Variants in IFI35 observed in about 807,000 individuals in gnomAD.
IFI35 encodes the protein interferon induced protein 35, also known as interferon-induced 35 kDa protein.
IFI35 carries 30 observed loss-of-function variants against 28.6 expected under a neutral mutation model. The ratio of observed to expected loss-of-function variants is 1.05; its 90% confidence interval spans 0.79 to 1.43. IFI35 has a LOEUF of 1.43. Ranked by LOEUF, IFI35 falls within the 40% of genes most tolerant of loss-of-function variation. The pLI is 0.00. For missense variants in IFI35, 372 were observed against 356.9 expected, an observed-to-expected ratio of 1.04 and a Z score of -0.34; for synonymous variants, 146 against 154.8, an observed-to-expected ratio of 0.94 and a Z score of 0.42.
At position 43,014,149 on chromosome 17, in the gene IFI35, C is replaced by T. The variant is rs779425617; in HGVS notation, c.711C>T (p.Asn237=). The part of the protein sequence containing the change: ...QPVPRSVLVL[N]IPDILDGPEL... ...TTCCCCGCTCGGTACTGGTGCTCAA[C>T]ATTCCTGATATCTTGGATGGCCCGG... Residue 237 remains asparagine (N), a synonymous_variant, in exon 7 of 7, where the codon AAC becomes AAT. Transcript: ENST00000415816. The T allele has an allele frequency of 1.2e-5, 19 of 1,614,148 alleles. No individual in the cohort carries two copies. Among genetic ancestry groups the T allele is most frequent in the Non-Finnish European group, 1.6e-5 (19 of 1,180,010 alleles).
intron 1 of IFI35, among the ~76,000 whole-genome samples, chr17:43,010,446 T>C (rs1218937679): frequency 6.6e-6 from 1 of 152,056 alleles, no homozygotes; most frequent in Non-Finnish European, 1.5e-5. Flanking sequence ...GAAACTTTGT[T>C]ATGGCTAGAA....
At chr17:43,008,027 AC>A (rs1379452068) in intron 1 of IFI35, among the ~76,000 whole-genome samples, 1 of 149,194 alleles carries the variant, frequency 6.7e-6, no homozygotes, top group Non-Finnish European at 1.5e-5. Context: ...TTCCCCAAGG[AC>A]AATCCCTTTT....
intron 1 of IFI35, among the ~76,000 whole-genome samples, chr17:43,011,817 C>T (rs1019400458): frequency 4.6e-5 from 7 of 152,198 alleles, no homozygotes; most frequent in Non-Finnish European, 1.0e-4. Flanking sequence ...TGATCATGTA[C>T]TCTTGAGCAC....
Position 43,013,574 on chromosome 17 carries a change from C to T in IFI35, c.474C>T (p.Phe158=), listed in dbSNP as rs769757979. ...AGCTGCTGGACAAGCTAGAGATCTT[C>T]TTTGGCAAGACTAGGAACGGAGGTG... ...EEELLDKLEI[F]FGKTRNGGGD... The change falls in exon 5 of 7, where the codon TTC becomes TTT. Residue 158 remains phenylalanine, a synonymous_variant. Coordinates refer to ENST00000415816, the MANE Select transcript of IFI35 (RefSeq NM_001330230.2). The T allele has an allele frequency of 6.2e-7, 1 of 1,614,046 alleles. No individual in the cohort carries two copies. Among genetic ancestry groups the T allele is most frequent in the South Asian group, 1.1e-5 (1 of 91,088 alleles).
Position 43,012,295 on chromosome 17 carries a change from GTGT to G in IFI35, c.120+23_120+25del, listed in dbSNP as rs1244801820. On this transcript the variant is annotated intron_variant, in intron 2 of 6. Coordinates refer to ENST00000415816, the MANE Select transcript of IFI35 (RefSeq NM_001330230.2). ...AAGACAAGGTAAGGTGGGAGATCTG[GTGT>G]TGTTTGGTAAAAACGAGCTGGCGAG... The G allele has an allele frequency of 1.0e-5, 16 of 1,547,222 alleles. No homozygotes were observed. Among genetic ancestry groups the G allele is most frequent in the Non-Finnish European group, 1.4e-5 (16 of 1,141,654 alleles).
chr17:43,013,928 C>G (rs2050494107), intron 6 of IFI35, 46 bp downstream of exon 6: 4 of 1,432,582 alleles, frequency 2.8e-6, no homozygotes, highest in South Asian at 2.5e-5. Context: ...GGTAACCTGT[C>G]TGCCTGCCAG....
At chr17:43,012,147 A>G (rs776235841) in intron 1 of IFI35, 32 bp from the exon 2 acceptor site, 1 of 1,470,112 alleles carries the variant, frequency 6.8e-7, no homozygotes, top group South Asian at 1.2e-5. Context: ...AAGGGCGGGT[A>G]GAAGTCTTGT....
In IFI35 at chr17:43,013,036, C is replaced by T. The variant is rs770193534; in HGVS notation, c.121-11C>T. The T allele has an allele frequency of 6.2e-7, 1 of 1,613,370 alleles. No homozygotes were observed. Among genetic ancestry groups the T allele is most frequent in the Admixed American group, 1.7e-5 (1 of 59,976 alleles). On this transcript the variant is annotated splice_polypyrimidine_tract_variant and intron_variant, in intron 2 of 6. Coordinates refer to ENST00000415816, the MANE Select transcript of IFI35 (RefSeq NM_001330230.2). ...GTGAGGAACACTCCTACTCCCCTCCCCTACTTCCAGGTCCCATTTTCAGTG... is the reference window on the plus strand; with the variant it reads ...GTGAGGAACACTCCTACTCCCCTCCTCTACTTCCAGGTCCCATTTTCAGTG...
chr17:43,013,955 G>A, intron 6 of IFI35, 73 bp downstream of exon 6: 1 of 1,339,954 alleles, frequency 7.5e-7, no homozygotes, highest in Non-Finnish European at 1.0e-6. Context: ...GCCCAATGAA[G>A]GATCAGAGGC....
In IFI35 at chr17:43,014,268, G is replaced by A. The variant is rs752596965; in HGVS notation, c.830G>A (p.Gly277Asp). Residue 277 changes from glycine to aspartate, a missense_variant, in exon 7 of 7, where the codon GGC becomes GAC. By Grantham distance (94) the Gly-to-Asp change is moderately conservative. Transcript: ENST00000415816. ...ACAGTCGTACCCCAAGGACAGCAGG[G>A]CCTAGCAGTCTTCACCTCTGAGTCA... ...ALTVVPQGQQGLAVFTSESG is the reference protein window; with the variant it reads ...ALTVVPQGQQDLAVFTSESG 6.3e-7 allele frequency: 1 copy of A among 1,588,698 alleles called. No individual in the cohort carries two copies. The highest frequency in any genetic ancestry group is 1.8e-5 in the Admixed American group (1 of 56,434).
rs141921308 is a variant in IFI35, at chr17:43,013,159, C to T, written c.233C>T (p.Ala78Val). The T allele has an allele frequency of 3.0e-5, 49 of 1,614,024 alleles. 1 individual carries two copies. The East Asian group carries it at 6.2e-4, about 21-fold the overall frequency. Residue 78 changes from alanine to valine, a missense_variant, in exon 3 of 7, where the codon GCG (alanine) becomes GTG (valine). By Grantham distance (64) the Ala-to-Val change is moderately conservative. Coordinates refer to ENST00000415816, the MANE Select transcript of IFI35 (RefSeq NM_001330230.2). ...SNLRIHCPLLAGSALITFDDP... is the reference protein window; with the variant it reads ...SNLRIHCPLLVGSALITFDDP... ...TTGCGGATCCACTGCCCTCTGCTTG[C>T]GGGCTCTGCTCTGATCACCTTTGAT...
At position 43,009,890 on chromosome 17, in the gene IFI35, G is replaced by A. The variant is rs143519589; in HGVS notation, c.22-2289G>A. On this transcript the variant is annotated intron_variant, in intron 1 of 6. Coordinates refer to ENST00000415816, the MANE Select transcript of IFI35 (RefSeq NM_001330230.2). The stretch of plus-strand genomic sequence containing the variant: ...GGAGTTTGCAGCGAGCCGATATTGC[G>A]CCACTGCACTCCAGCCTAGGCAACA... Among the ~76,000 whole-genome samples the A allele has an allele frequency of 4.4e-3, 663 of 151,630 alleles. 6 individuals carry two copies. The highest frequency in any genetic ancestry group is 0.016 in the African/African-American group (641 of 41,316).
chr17:43,011,575 G>A (rs1042104522), intron 1 of IFI35, among the ~76,000 whole-genome samples: 42 of 152,046 alleles, frequency 2.8e-4, no homozygotes, highest in African/African-American at 9.7e-4. Flanking sequence ...AAGGATCACA[G>A]GATATCTATC....
At chr17:43,013,930 G>A (rs2050494192) in intron 6 of IFI35, 48 bp downstream of exon 6, 2 of 1,425,144 alleles carry the variant, frequency 1.4e-6, no homozygotes, top group African/African-American at 2.8e-5. Flanking sequence ...TAACCTGTCT[G>A]CCTGCCAGGA....
chr17:43,007,060 C>CCCAT, intron 1 of IFI35, 92 bp downstream of exon 1: 1 of 1,341,224 alleles, frequency 7.5e-7, no homozygotes, highest in Non-Finnish European at 1.1e-6. Context: ...GGCAGCCAAG[C>CCCAT]CTCACCCTGC....
intron 1 of IFI35, among the ~76,000 whole-genome samples, chr17:43,009,742 ACT>A (rs1368612196): frequency 1.3e-5 from 2 of 150,842 alleles, no homozygotes; most frequent in Admixed American, 6.6e-5. Context: ...ACAGAGCGAG[ACT>A]CTGTCTCAAA....
At chr17:43,007,317 C>T (rs998120644) in intron 1 of IFI35, among the ~76,000 whole-genome samples, 1 of 151,932 alleles carries the variant, frequency 6.6e-6, no homozygotes, top group Non-Finnish European at 1.5e-5. Flanking sequence ...GAGGCCTTGG[C>T]AATACAGTGA....
intron 1 of IFI35, among the ~76,000 whole-genome samples, chr17:43,007,960 G>C (rs1450752189): frequency 1.3e-5 from 2 of 149,330 alleles, no homozygotes; most frequent in Admixed American, 1.3e-4. Flanking sequence ...CACCTACAGA[G>C]CATTCAATAT....
chr17:43,008,955 TTA>T (rs1197189343), intron 1 of IFI35, among the ~76,000 whole-genome samples: 2 of 150,936 alleles, frequency 1.3e-5, no homozygotes, highest in Non-Finnish European at 3.0e-5. Context: ...GCACCCGGCT[TTA>T]TATACGTTAA....
Sources: allele counts gnomAD v4.1 joint callset (sites outside exome capture counted in the v4.1 genomes callset), GRCh38; gene constraint gnomAD v4.1.1; transcripts MANE v1.5; gene names NCBI Gene and HGNC (gene_info 2026-07-23, HGNC 2026-07-21).